Variants in FGF14 observed in about 807,000 individuals in gnomAD.
FGF14 encodes fibroblast growth factor 14, also known as fibroblast growth factor homologous factor 4.
FGF14 carries 5 observed loss-of-function variants against 25.5 expected under a neutral mutation model. The observed-to-expected ratio is 0.20, with a 90% CI of 0.10 to 0.41. The LOEUF is 0.41. Ranked by LOEUF, FGF14 falls within the 10% of genes least tolerant of loss-of-function variation. The pLI is 1.00. For missense variants in FGF14, 222 were observed against 320.1 expected (o/e 0.69, Z 2.34); for synonymous variants, 138 against 118.3 (o/e 1.17, Z -1.08).
intron 3 of FGF14, among the ~76,000 whole-genome samples, chr13:101,776,040 C>A (rs1398076604): frequency 1.3e-5 from 2 of 152,116 alleles, no homozygotes; most frequent in African/African-American, 4.8e-5. Context: ...CAGGGACTAC[C>A]TTCTACAGAT....
chr13:101,937,718 GC>G (rs1305044722), intron 1 of FGF14, among the ~76,000 whole-genome samples: 2 of 152,112 alleles, frequency 1.3e-5, no homozygotes, highest in Non-Finnish European at 2.9e-5. Flanking sequence ...TCCTGTCTCA[GC>G]CTCCCAAGGA....
intron 1 of FGF14, among the ~76,000 whole-genome samples, chr13:101,885,226 A>AT (rs1321483351): frequency 5.3e-5 from 8 of 152,020 alleles, no homozygotes; most frequent in Admixed American, 2.0e-4. Flanking sequence ...TTCTTTTCAT[A>AT]TTTTTTGCAT....
chr13:102,057,394 T>C (rs2042480513), intron 1 of FGF14, among the ~76,000 whole-genome samples: 1 of 152,182 alleles, frequency 6.6e-6, no homozygotes, highest in Admixed American at 6.5e-5. Flanking sequence ...CTTTAGCTCT[T>C]TACGTGTATG....
rs558388623 is a variant in FGF14, at chr13:101,892,356, T to C, written c.194-17060A>G. 8.5e-4 allele frequency among the ~76,000 whole-genome samples: 130 copies of C among 152,282 alleles called. 1 individual carries two copies. Among genetic ancestry groups the C allele is most frequent in the African/African-American group, 2.9e-3 (120 of 41,556 alleles). On this transcript the variant is annotated intron_variant, in intron 1 of 4. Coordinates refer to ENST00000376143, the MANE Select transcript of FGF14 (RefSeq NM_004115.4). ...AAAAAAATAGGCCTCATCCTTATTG[T>C]TTACCATTTAGCCACATATATTATT...
chr13:102,212,027 AC>A (rs2050182253), intron 1 of FGF14, among the ~76,000 whole-genome samples: 2 of 152,116 alleles, frequency 1.3e-5, no homozygotes, highest in African/African-American at 4.8e-5. Flanking sequence ...CCGAAAGAGC[AC>A]TTAGGGCTCC....
At chr13:101,817,202 C>T (rs1234626081) in intron 3 of FGF14, among the ~76,000 whole-genome samples, 1 of 152,202 alleles carries the variant, frequency 6.6e-6, no homozygotes, top group East Asian at 1.9e-4. Flanking sequence ...CATCAGAATA[C>T]TAGCAAAGCT....
chr13:102,344,355 T>C (rs1317923415), intron 1 of FGF14, among the ~76,000 whole-genome samples: 3 of 152,224 alleles, frequency 2.0e-5, no homozygotes, highest in African/African-American at 7.2e-5. Flanking sequence ...CTATTAGCTA[T>C]TGAGATTATA....
At chr13:102,307,750 G>A (rs180975268) in intron 1 of FGF14, among the ~76,000 whole-genome samples, 12 of 152,136 alleles carry the variant, frequency 7.9e-5, no homozygotes, top group East Asian at 1.9e-4. Flanking sequence ...CTTCTATTAC[G>A]ATTCCCATTT....
At chr13:102,207,816 A>T (rs1255079369) in intron 1 of FGF14, among the ~76,000 whole-genome samples, 1 of 152,032 alleles carries the variant, frequency 6.6e-6, no homozygotes, top group East Asian at 1.9e-4. Context: ...AAAAAGGTTA[A>T]ATGATCTGTT....
intron 3 of FGF14, among the ~76,000 whole-genome samples, chr13:101,817,954 T>C (rs1566937405): frequency 6.6e-6 from 1 of 152,234 alleles, no homozygotes; most frequent in Non-Finnish European, 1.5e-5. Flanking sequence ...AGAAGCAATC[T>C]AAACAAATTG....
At chr13:101,756,422 G>A (rs1310920328) in intron 3 of FGF14, among the ~76,000 whole-genome samples, 1 of 152,106 alleles carries the variant, frequency 6.6e-6, no homozygotes, top group Non-Finnish European at 1.5e-5. Context: ...ACCATTCAGT[G>A]TTCTAGAAAC....
intron 1 of FGF14, among the ~76,000 whole-genome samples, chr13:101,959,758 G>A (rs1396302004): frequency 1.3e-5 from 2 of 152,140 alleles, no homozygotes; most frequent in East Asian, 3.9e-4. Context: ...TTGCACTATA[G>A]TGATTTGTAT....
chr13:101,854,631 T>C (rs1277227696), intron 3 of FGF14, among the ~76,000 whole-genome samples: 2 of 152,090 alleles, frequency 1.3e-5, no homozygotes, highest in Admixed American at 6.6e-5. Flanking sequence ...CATCATCATG[T>C]TGTAAAAAGT....
chr13:102,169,103 A>G (rs1000293264), intron 1 of FGF14, among the ~76,000 whole-genome samples: 1 of 151,082 alleles, frequency 6.6e-6, no homozygotes, highest in African/African-American at 2.4e-5. Flanking sequence ...GGATATATGA[A>G]GCTTTGTAAG....
chr13:102,387,651 G>C (rs184331331), intron 1 of FGF14, among the ~76,000 whole-genome samples: 17 of 152,070 alleles, frequency 1.1e-4, no homozygotes, highest in African/African-American at 4.1e-4. Flanking sequence ...GTATCACAGG[G>C]GTTTGGTGTA....
chr13:102,092,329 C>T (rs1034367616), intron 1 of FGF14, among the ~76,000 whole-genome samples: 2 of 152,270 alleles, frequency 1.3e-5, no homozygotes, highest in African/African-American at 4.8e-5. Context: ...TCTAAAAACT[C>T]TCACTCTTAC....
intron 1 of FGF14, among the ~76,000 whole-genome samples, chr13:101,948,137 G>A (rs1253114377): frequency 1.3e-5 from 2 of 152,142 alleles, no homozygotes; most frequent in Admixed American, 6.6e-5. Context: ...ACTTAGCAAT[G>A]GTACATAGTA....
chr13:102,149,597 T>C (rs1001382715), intron 1 of FGF14, among the ~76,000 whole-genome samples: 1 of 152,140 alleles, frequency 6.6e-6, no homozygotes, highest in Non-Finnish European at 1.5e-5. Context: ...AGGTGGAAAA[T>C]GCTCATAAAG....
intron 1 of FGF14, among the ~76,000 whole-genome samples, chr13:102,087,302 A>G (rs1438380913): frequency 1.3e-5 from 2 of 152,120 alleles, no homozygotes; most frequent in African/African-American, 4.8e-5. Context: ...GGAAGGAAGA[A>G]AAGAGAAGAG....
Sources: gnomAD v4.1 joint callset for allele counts (sites outside exome capture counted in the v4.1 genomes callset) on GRCh38, gnomAD v4.1.1 for gene constraint, MANE v1.5 for transcripts, NCBI Gene and HGNC (gene_info 2026-07-23, HGNC 2026-07-21) for gene names.